RPS6KA5: variants seen among roughly 807,000 people sequenced by gnomAD.
RPS6KA5 encodes ribosomal protein S6 kinase alpha-5.
RPS6KA5 carries 27 observed loss-of-function variants against 85.5 expected under a neutral mutation model. The ratio of observed to expected loss-of-function variants is 0.32; its 90% CI spans 0.23 to 0.44. RPS6KA5 has a LOEUF of 0.44. Ranked by LOEUF, RPS6KA5 falls within the 20% of genes least tolerant of loss-of-function variation. The pLI is 1.00. For missense variants in RPS6KA5, 811 were observed against 980.9 expected, an observed-to-expected ratio of 0.83 and a Z score of 2.31; for synonymous variants, 334 against 348.2, an observed-to-expected ratio of 0.96 and a Z score of 0.46.
At chr14:90,876,346 C>T (rs1388487303) in intron 14 of RPS6KA5, among the ~76,000 whole-genome samples, 2 of 152,100 alleles carry the variant, frequency 1.3e-5, no homozygotes, top group Admixed American at 1.3e-4. Flanking sequence ...TCATATAGGC[C>T]TTCCTATTTG....
intron 4 of RPS6KA5, 87 bp downstream of exon 4, chr14:90,947,348 A>T: frequency 1.4e-6 from 1 of 727,150 alleles, no homozygotes; most frequent in Non-Finnish European, 2.4e-6. Context: ...TAAGACAATA[A>T]CATGTAAAAA....
intron 14 of RPS6KA5, among the ~76,000 whole-genome samples, chr14:90,882,989 G>GGT (rs1217826584): frequency 1.3e-5 from 2 of 151,886 alleles, no homozygotes; most frequent in African/African-American, 4.8e-5. Context: ...GTAGAGATGG[G>GGT]GTTTCACCAT....
chr14:90,890,651 T>C lies in RPS6KA5; in HGVS notation c.1672A>G (p.Asn558Asp). Residue 558 changes from asparagine (N) to aspartate (D), a missense_variant, in exon 14 of 17, where the codon AAT becomes GAT. By Grantham distance (23) the Asn-to-Asp change is conservative. Transcript: ENST00000614987. ...AAATCAATTATTTTAATTTCCAAAT[T>C]GTCATTTTCATCGGTGAACAATAAA... ...ENLLFTDEND[N>D]LEIKIIDFGF... The C allele has an allele frequency of 1.9e-6, 3 of 1,613,976 alleles. No individual in the cohort carries two copies. Among genetic ancestry groups the C allele is most frequent in the Non-Finnish European group, 2.5e-6 (3 of 1,179,924 alleles).
chr14:90,959,606 A>G (rs566512318), intron 3 of RPS6KA5, among the ~76,000 whole-genome samples: 11 of 152,284 alleles, frequency 7.2e-5, no homozygotes, highest in African/African-American at 2.6e-4. Flanking sequence ...TTTGGATATG[A>G]AGAATGAAGA....
In RPS6KA5 at chr14:91,060,304, C is replaced by A. The variant is rs201018267; in HGVS notation, c.103+28G>T. 1.7e-5 allele frequency: 21 copies of A among 1,223,188 alleles called. No individual in the cohort carries two copies. The East Asian group carries it at 6.9e-4, about 40-fold the overall frequency. 75.8% of individuals were successfully genotyped at this position (1,223,188 alleles called of 1,614,324 possible). A position where few individuals can be genotyped will look rare whatever the true frequency, so the allele number is the denominator to read the frequency against. ...CCTCAGGCGCGCCCCCGCGCCGGGC[C>A]CGGCCGGCAGAGGGCGGGGTCGCTC... On this transcript the variant is annotated intron_variant, in intron 1 of 16. Transcript: ENST00000614987.
In RPS6KA5 at chr14:91,060,383, C is replaced by T. The variant is rs765224867; in HGVS notation, c.52G>A (p.Gly18Ser). The change falls in exon 1 of 17, where the codon GGC becomes AGC. Residue 18 changes from glycine to serine, a missense_variant. Transcript: ENST00000614987. Reference sequence around the variant, plus strand: ...AGGAGCTGCTCTCCTCCGTCGCCGCCGTCCGCGCTGGTCCCCGCGGCGCCG... The same window carrying T: ...AGGAGCTGCTCTCCTCCGTCGCCGCTGTCCGCGCTGGTCCCCGCGGCGCCG... ...SGGAAGTSAD[G>S]GDGGEQLLTV... 6 of 1,508,876 alleles carry T rather than the reference C, an allele frequency of 4.0e-6. No homozygotes were observed. Among genetic ancestry groups the T allele is most frequent in the South Asian group, 2.5e-5 (2 of 78,812 alleles). The allele number at this position is 1,508,876 out of a possible 1,614,324, so 93.5% of individuals were successfully genotyped here.
intron 2 of RPS6KA5, among the ~76,000 whole-genome samples, chr14:90,979,189 C>T (rs976095800): frequency 2.6e-5 from 4 of 152,202 alleles, no homozygotes; most frequent in African/African-American, 9.6e-5. Context: ...CGTGTGGTGC[C>T]CCTCCTCCAG....
At chr14:91,026,533 G>A (rs532302736) in intron 1 of RPS6KA5, among the ~76,000 whole-genome samples, 4 of 152,166 alleles carry the variant, frequency 2.6e-5, no homozygotes, top group Middle Eastern at 3.4e-3. Context: ...CCCAACATAC[G>A]TACATTTTCT....
rs977455592 is a variant in RPS6KA5, at chr14:90,890,786, A to G, written c.1645-108T>C. 5.9e-6 allele frequency: 6 copies of G among 1,024,352 alleles called. No individual in the cohort carries two copies. The African/African-American group carries it at 9.6e-5, about 16-fold the overall frequency. 63.5% of individuals were successfully genotyped at this position (1,024,352 alleles called of 1,614,324 possible). A position where few individuals can be genotyped will look rare whatever the true frequency, so the allele number is the denominator to read the frequency against. On this transcript the variant is annotated intron_variant, in intron 13 of 16. Transcript: ENST00000614987. Reference sequence around the variant, plus strand: ...ATTGATAGTTGATTCATGTGCAGAGAGGTCTCATGGGGAGGCGCGAGGGCA... The same window carrying G: ...ATTGATAGTTGATTCATGTGCAGAGGGGTCTCATGGGGAGGCGCGAGGGCA...
At chr14:91,035,868 A>C (rs113946510) in intron 1 of RPS6KA5, among the ~76,000 whole-genome samples, 58,490 of 120,562 alleles carry the variant, frequency 0.49, 15,293 homozygotes, top group Non-Finnish European at 0.54. Context: ...AAAAAAAAAA[A>C]AAAAAAAAAA....
At chr14:90,971,800 C>T (rs1464811465) in intron 3 of RPS6KA5, among the ~76,000 whole-genome samples, 1 of 152,160 alleles carries the variant, frequency 6.6e-6, no homozygotes, top group Admixed American at 6.5e-5. Flanking sequence ...GCAAGAAAAG[C>T]TGTAAACCTC....
At chr14:91,046,038 C>T (rs1486759980) in intron 1 of RPS6KA5, among the ~76,000 whole-genome samples, 1 of 152,224 alleles carries the variant, frequency 6.6e-6, no homozygotes. Context: ...TCAGCTTCAA[C>T]ACGACTGCTT....
At chr14:90,906,694 A>G (rs1202102974) in intron 7 of RPS6KA5, among the ~76,000 whole-genome samples, 1 of 152,102 alleles carries the variant, frequency 6.6e-6, no homozygotes, top group Non-Finnish European at 1.5e-5. Flanking sequence ...GGAATTGAGC[A>G]CTCAGATTTA....
chr14:90,971,045 C>T lies in RPS6KA5; in HGVS notation c.394+7261G>A, dbSNP rs895236177. Among the ~76,000 whole-genome samples, 4 of 152,076 alleles carry T rather than the reference C, an allele frequency of 2.6e-5. No individual in the cohort carries two copies. The South Asian group carries it at 8.3e-4, about 32-fold the overall frequency. On this transcript the variant is annotated intron_variant, in intron 3 of 16. Coordinates refer to ENST00000614987, the MANE Select transcript of RPS6KA5 (RefSeq NM_004755.4). ...ATTTTATTGGAACTTGGGCCAGGCA[C>T]GGTGGCTCATGCCTGGAATCCCAGC...
In RPS6KA5 at chr14:90,848,122, T is replaced by C. The variant is rs866120310; in HGVS notation, c.*23952A>G. ...AAAGAGAAAACTAACTTCCAGACCA[T>C]GAAGGAAAAAAAAATACATGCCTCT... is the stretch of plus-strand genomic sequence containing the variant. On this transcript the variant is annotated 3_prime_UTR_variant, in exon 17 of 17. Transcript: ENST00000614987. 1 of 151,318 alleles carries C rather than the reference T, an allele frequency of 6.6e-6. No homozygotes were observed. The highest frequency in any genetic ancestry group is 1.5e-5 in the Non-Finnish European group (1 of 67,838). 9.4% of individuals were successfully genotyped at this position (151,318 alleles called of 1,614,324 possible).
rs1054966115 is a variant in RPS6KA5 at position 91,047,482 on chromosome 14, A to G, written c.103+12850T>C. On this transcript the variant is annotated intron_variant, in intron 1 of 16. Transcript: ENST00000614987. ...CTGCAGATTCATTAGAGAAGACACCATTCTACTTCTACAAAGAATGACACG... is the reference window on the plus strand; with the variant it reads ...CTGCAGATTCATTAGAGAAGACACCGTTCTACTTCTACAAAGAATGACACG... 3.3e-5 allele frequency among the ~76,000 whole-genome samples: 5 copies of G among 152,362 alleles called. No homozygotes were observed. The East Asian group carries it at 7.7e-4, about 24-fold the overall frequency.
intron 14 of RPS6KA5, among the ~76,000 whole-genome samples, chr14:90,883,526 T>C (rs920333172): frequency 1.3e-5 from 2 of 152,216 alleles, no homozygotes; most frequent in African/African-American, 4.8e-5. Context: ...ATTTTGTTAA[T>C]ACATTTTGTC....
chr14:90,870,131 C>T lies in RPS6KA5; in HGVS notation c.*1943G>A, dbSNP rs565381045. 6.6e-6 allele frequency: 1 copy of T among 152,116 alleles called. No individual in the cohort carries two copies. The highest frequency in any genetic ancestry group is 6.6e-5 in the Admixed American group (1 of 15,262). The allele number at this position is 152,116 out of a possible 1,614,324, so 9.4% of individuals were successfully genotyped here. A position where few individuals can be genotyped will look rare whatever the true frequency, so the allele number is the denominator to read the frequency against. ...AGCAACATAGTCCCTTTAGTTTGTA[C>T]TTTATAACTAGTATTTTCTACCAGG... On this transcript the variant is annotated 3_prime_UTR_variant, in exon 17 of 17. Transcript: ENST00000614987.
At chr14:90,898,863 G>T (rs1314850874) in intron 12 of RPS6KA5, among the ~76,000 whole-genome samples, 1 of 152,218 alleles carries the variant, frequency 6.6e-6, no homozygotes, top group African/African-American at 2.4e-5. Context: ...GATAAAAGGA[G>T]TATCTTTGCT....
Sources: gnomAD v4.1 joint callset for allele counts (sites outside exome capture counted in the v4.1 genomes callset) on GRCh38, gnomAD v4.1.1 for gene constraint, MANE v1.5 for transcripts, NCBI Gene and HGNC (gene_info 2026-07-23, HGNC 2026-07-21) for gene names.